The following ATF6 variants were observed in gnomAD, a reference collection of about 807,000 sequenced individuals.
ATF6 encodes activating transcription factor 6.
In ATF6, 53 loss-of-function variants were observed where a neutral mutation model predicts 83.6. That is an observed-to-expected ratio of 0.63 (90% confidence interval 0.51 to 0.80). The LOEUF is 0.80. Ranked by LOEUF, ATF6 falls within the 30% of genes least tolerant of loss-of-function variation. The pLI, the probability that ATF6 is intolerant of heterozygous loss-of-function variation, is 0.00. For missense variants in ATF6, 744 were observed against 797.9 expected, an observed-to-expected ratio of 0.93 and a Z score of 0.81; for synonymous variants, 288 against 285.8, an observed-to-expected ratio of 1.01 and a Z score of -0.08.
intron 7 of ATF6, among the ~76,000 whole-genome samples, chr1:161,814,940 T>G (rs147350079): frequency 2.2e-3 from 337 of 152,296 alleles, no homozygotes; most frequent in African/African-American, 7.8e-3. Flanking sequence ...TAATTTTTAT[T>G]TAATTGAAAG....
At chr1:161,815,545 A>G (rs1288173657) in intron 7 of ATF6, among the ~76,000 whole-genome samples, 2 of 152,060 alleles carry the variant, frequency 1.3e-5, no homozygotes, top group Admixed American at 6.6e-5. Context: ...ATTTCTTAGC[A>G]ACATCACAGA....
At chr1:161,873,446 C>G (rs1687154821) in intron 14 of ATF6, among the ~76,000 whole-genome samples, 1 of 151,486 alleles carries the variant, frequency 6.6e-6, no homozygotes, top group African/African-American at 2.4e-5. Flanking sequence ...TGATCTGACT[C>G]AGGATCAAGG....
chr1:161,821,897 T>C (rs925039970), intron 9 of ATF6, among the ~76,000 whole-genome samples: 1 of 152,182 alleles, frequency 6.6e-6, no homozygotes, highest in South Asian at 2.1e-4. Context: ...ACTATGGTTA[T>C]AAAAAGGATG....
intron 1 of ATF6, among the ~76,000 whole-genome samples, chr1:161,777,826 G>T (rs1446537615): frequency 6.6e-6 from 1 of 152,146 alleles, no homozygotes; most frequent in African/African-American, 2.4e-5. Flanking sequence ...CAAATACGCA[G>T]TGTGTATATA....
At chr1:161,774,861 C>G (rs1158567537) in intron 1 of ATF6, among the ~76,000 whole-genome samples, 12 of 152,148 alleles carry the variant, frequency 7.9e-5, no homozygotes, top group Non-Finnish European at 1.8e-4. Flanking sequence ...CATCAGTGTC[C>G]TTTAATCTGG....
At position 161,873,294 on chromosome 1, in the gene ATF6, A is replaced by G. The variant is rs183849087; in HGVS notation, c.1719+9982A>G. Reference sequence around the variant, plus strand: ...CTATTTCTCATTTAATTATATGTAAATGGTTTTATAATTTTTTCTCACATT... The same window carrying G: ...CTATTTCTCATTTAATTATATGTAAGTGGTTTTATAATTTTTTCTCACATT... On this transcript the variant is annotated intron_variant, in intron 14 of 15. Coordinates refer to ENST00000367942, the MANE Select transcript of ATF6 (RefSeq NM_007348.4). 9.9e-3 allele frequency among the ~76,000 whole-genome samples: 1,498 copies of G among 151,636 alleles called. 8 individuals are homozygous for G. Among genetic ancestry groups the G allele is most frequent in the South Asian group, 0.017 (83 of 4,820 alleles).
intron 15 of ATF6, among the ~76,000 whole-genome samples, chr1:161,924,820 T>C (rs1688279018): frequency 6.6e-6 from 1 of 152,190 alleles, no homozygotes; most frequent in South Asian, 2.1e-4. Flanking sequence ...AAAGATGCAT[T>C]AATATTCCTG....
Position 161,818,921 on chromosome 1 carries a change from G to A in ATF6, c.910-712G>A, listed in dbSNP as rs1685681809. Among the ~76,000 whole-genome samples, 4 of 152,172 alleles carry A rather than the reference G, an allele frequency of 2.6e-5. No homozygotes were observed. In the South Asian group the frequency reaches 8.3e-4, roughly 32 times the overall value. On this transcript the variant is annotated intron_variant, in intron 7 of 15. Coordinates refer to ENST00000367942, the MANE Select transcript of ATF6 (RefSeq NM_007348.4). ...AAGTTATCTTAGAAATGGTGGACAGGATGAGATGGAACACAATTGAAATAG... is the reference window on the plus strand; with the variant it reads ...AAGTTATCTTAGAAATGGTGGACAGAATGAGATGGAACACAATTGAAATAG...
chr1:161,806,596 G>A (rs1225614124), intron 7 of ATF6, among the ~76,000 whole-genome samples: 1 of 152,134 alleles, frequency 6.6e-6, no homozygotes, highest in Non-Finnish European at 1.5e-5. Flanking sequence ...CTACTGTTAG[G>A]AGTCTCCTTC....
At position 161,962,401 on chromosome 1, in the gene ATF6, T is replaced by A; in HGVS notation, c.*3747T>A. 1 of 152,234 alleles carries A rather than the reference T, an allele frequency of 6.6e-6. No homozygotes were observed. The highest frequency in any genetic ancestry group is 1.9e-4 in the East Asian group (1 of 5,206). The allele number at this position is 152,234 out of a possible 1,614,324, so 9.4% of individuals were successfully genotyped here. A position where few individuals can be genotyped will look rare whatever the true frequency, so the allele number is the denominator to read the frequency against. ...CACCGCAGCGAGATGCTGGTGAGAC[T>A]GCCGTGGTGGCATTTAGCATCGTTA... On this transcript the variant is annotated 3_prime_UTR_variant, in exon 16 of 16. Transcript: ENST00000367942.
At chr1:161,803,647 T>C in intron 7 of ATF6, among the ~76,000 whole-genome samples, 1 of 152,174 alleles carries the variant, frequency 6.6e-6, no homozygotes. Flanking sequence ...TGTTTATTTT[T>C]CTATCCTTTT....
At chr1:161,793,799 C>CTG (rs936781201) in intron 6 of ATF6, among the ~76,000 whole-genome samples, 124 of 152,328 alleles carry the variant, frequency 8.1e-4, no homozygotes, top group African/African-American at 2.9e-3. Context: ...TTATCAGTTC[C>CTG]AGAAACCTGA....
chr1:161,867,500 A>G lies in ATF6; in HGVS notation c.1719+4188A>G, dbSNP rs150673450. Among the ~76,000 whole-genome samples the G allele has an allele frequency of 7.7e-3, 1,172 of 152,340 alleles. 13 individuals are homozygous for G. Among genetic ancestry groups the G allele is most frequent in the African/African-American group, 0.026 (1,093 of 41,572 alleles). The stretch of plus-strand genomic sequence containing the variant: ...GAAATGATATTAATTTATTATTTCA[A>G]TACACATTTAAATACCATCCTTACA... On this transcript the variant is annotated intron_variant, in intron 14 of 15. Transcript: ENST00000367942.
intron 9 of ATF6, among the ~76,000 whole-genome samples, chr1:161,835,245 G>A (rs1250657090): frequency 6.6e-6 from 1 of 152,068 alleles, no homozygotes; most frequent in Non-Finnish European, 1.5e-5. Context: ...TTGAAGTGAT[G>A]ACATCTTATT....
At chr1:161,905,109 T>A (rs148753382) in intron 14 of ATF6, among the ~76,000 whole-genome samples, 32 of 151,758 alleles carry the variant, frequency 2.1e-4, no homozygotes, top group African/African-American at 7.3e-4. Flanking sequence ...GCAAGGAGAG[T>A]TAACTTTAGA....
chr1:161,769,940 C>T (rs1004547999), intron 1 of ATF6, among the ~76,000 whole-genome samples: 1 of 152,128 alleles, frequency 6.6e-6, no homozygotes, highest in Non-Finnish European at 1.5e-5. Context: ...TGCTGTGTGG[C>T]CTGGTTCCCA....
intron 10 of ATF6, among the ~76,000 whole-genome samples, chr1:161,848,638 C>T (rs527729539): frequency 1.3e-5 from 2 of 152,218 alleles, no homozygotes; most frequent in South Asian, 4.1e-4. Flanking sequence ...ACCAGTACTG[C>T]TGTCTTGGAT....
At chr1:161,842,752 TA>T (rs1400344472) in intron 9 of ATF6, among the ~76,000 whole-genome samples, 8 of 152,106 alleles carry the variant, frequency 5.3e-5, no homozygotes, top group African/African-American at 1.9e-4. Context: ...CCTATGGAAA[TA>T]AAAAATTTTA....
chr1:161,788,628 C>T (rs564101618), intron 4 of ATF6, among the ~76,000 whole-genome samples: 4 of 151,872 alleles, frequency 2.6e-5, no homozygotes, highest in Non-Finnish European at 5.9e-5. Flanking sequence ...GCTTTTAGAG[C>T]ACAGAGGTAT....
Sources: allele counts gnomAD v4.1 joint callset (sites outside exome capture counted in the v4.1 genomes callset), GRCh38; gene constraint gnomAD v4.1.1; transcripts MANE v1.5; gene names NCBI Gene and HGNC (gene_info 2026-07-23, HGNC 2026-07-21).